Variants in CDH13 observed in about 807,000 individuals in gnomAD.
CDH13 encodes the protein cadherin 13, also known as cadherin-13.
Under a neutral mutation model 63.8 loss-of-function variants are expected in CDH13, and 24 were observed. That is an observed-to-expected ratio of 0.38 (90% CI 0.27 to 0.53). The LOEUF is 0.53. Among genes scored for constraint, CDH13 ranks in the 20% least tolerant of loss-of-function variants. The pLI is 0.85. For missense variants in CDH13, 1,049 were observed against 903.1 expected, an observed-to-expected ratio of 1.16 and a Z score of -2.07; for synonymous variants, 503 against 355.3, an observed-to-expected ratio of 1.42 and a Z score of -4.67.
At chr16:83,321,652 C>T (rs1403648771) in intron 5 of CDH13, among the ~76,000 whole-genome samples, 1 of 151,648 alleles carries the variant, frequency 6.6e-6, no homozygotes, top group Admixed American at 6.6e-5. Context: ...CCTCAGCCTC[C>T]TGAGTAGCTG....
At chr16:82,777,726 T>C (rs1438443799) in intron 1 of CDH13, among the ~76,000 whole-genome samples, 1 of 152,200 alleles carries the variant, frequency 6.6e-6, no homozygotes, top group African/African-American at 2.4e-5. Flanking sequence ...GAGGCAGCAG[T>C]CATCCTAAGA....
At chr16:82,775,022 C>T (rs377467016) in intron 1 of CDH13, among the ~76,000 whole-genome samples, 4 of 152,156 alleles carry the variant, frequency 2.6e-5, no homozygotes, top group Non-Finnish European at 2.9e-5. Context: ...CCTAATGGCC[C>T]TAGAGACTGT....
At chr16:83,460,745 G>A (rs951881078) in intron 6 of CDH13, among the ~76,000 whole-genome samples, 1 of 151,806 alleles carries the variant, frequency 6.6e-6, no homozygotes, top group Non-Finnish European at 1.5e-5. Context: ...TGTAAACCCA[G>A]CATTTTGGGA....
At position 83,673,904 on chromosome 16, in the gene CDH13, C is replaced by G. The variant is rs367587609; in HGVS notation, c.1284+2932C>G. Among the ~76,000 whole-genome samples, 7 of 152,238 alleles carry G rather than the reference C, an allele frequency of 4.6e-5. No individual in the cohort carries two copies. The South Asian group carries it at 1.4e-3, about 31-fold the overall frequency. On this transcript the variant is annotated intron_variant, in intron 9 of 13. Coordinates refer to ENST00000567109, the MANE Select transcript of CDH13 (RefSeq NM_001257.5). ...GAAGAGGTGCCCACAGAGGCTGATG[C>G]TCTTGCTGACTTCAGCTTTGCTAGT...
In CDH13 at chr16:82,972,031, G is replaced by A. The variant is rs112271085; in HGVS notation, c.158-59979G>A. Reference sequence around the variant, plus strand: ...CATAAGCTTATTTGTATTTCACAGCGACTTGCACAGATGTGCCAGATATGT... The same window carrying A: ...CATAAGCTTATTTGTATTTCACAGCAACTTGCACAGATGTGCCAGATATGT... On this transcript the variant is annotated intron_variant, in intron 2 of 13. Coordinates refer to ENST00000567109, the MANE Select transcript of CDH13 (RefSeq NM_001257.5). Among the ~76,000 whole-genome samples the A allele has an allele frequency of 3.9e-3, 598 of 152,276 alleles. 8 individuals are homozygous for A. The highest frequency in any genetic ancestry group is 0.014 in the African/African-American group (571 of 41,544).
At chr16:83,415,008 A>G (rs536985935) in intron 6 of CDH13, among the ~76,000 whole-genome samples, 1 of 152,262 alleles carries the variant, frequency 6.6e-6, no homozygotes, top group African/African-American at 2.4e-5. Context: ...AGCAAAATTG[A>G]CAAACCCTTA....
intron 10 of CDH13, among the ~76,000 whole-genome samples, chr16:83,720,279 C>A (rs1421623736): frequency 6.6e-6 from 1 of 151,940 alleles, no homozygotes; most frequent in Non-Finnish European, 1.5e-5. Flanking sequence ...ACATCTGCAC[C>A]CACATGCAAG....
intron 4 of CDH13, among the ~76,000 whole-genome samples, chr16:83,147,653 A>G (rs1239461643): frequency 2.0e-5 from 3 of 151,908 alleles, no homozygotes; most frequent in African/African-American, 7.3e-5. Flanking sequence ...GCTTTTCTTG[A>G]CATCCTTATG....
At chr16:82,743,436 C>G (rs1313062989) in intron 1 of CDH13, among the ~76,000 whole-genome samples, 1 of 152,056 alleles carries the variant, frequency 6.6e-6, no homozygotes, top group African/African-American at 2.4e-5. Flanking sequence ...ACCGTATTGC[C>G]CAGGATAGTC....
chr16:83,094,012 G>A (rs546096684), intron 3 of CDH13, among the ~76,000 whole-genome samples: 3 of 152,308 alleles, frequency 2.0e-5, no homozygotes, highest in South Asian at 4.1e-4. Context: ...GAGCTTTTAT[G>A]AATAGGCAAA....
intron 4 of CDH13, among the ~76,000 whole-genome samples, chr16:83,180,325 G>A (rs944802543): frequency 6.6e-6 from 1 of 151,424 alleles, no homozygotes; most frequent in Non-Finnish European, 1.5e-5. Flanking sequence ...AAGATCAGAC[G>A]ATGGATGTAT....
chr16:82,970,565 A>G lies in CDH13; in HGVS notation c.158-61445A>G, dbSNP rs1050357677. On this transcript the variant is annotated intron_variant, in intron 2 of 13. Coordinates refer to ENST00000567109, the MANE Select transcript of CDH13 (RefSeq NM_001257.5). ...CAGGCGCCCGCCACCGCGCCCGGCT[A>G]ATTTTTTGTATTTTTAGTAGAGACG... Among the ~76,000 whole-genome samples, 2 of 145,006 alleles carry G rather than the reference A, an allele frequency of 1.4e-5. 1 individual carries two copies. The highest frequency in any genetic ancestry group is 5.0e-5 in the African/African-American group (2 of 40,382).
chr16:82,657,571 C>T (rs1452741448), intron 1 of CDH13, among the ~76,000 whole-genome samples: 3 of 152,072 alleles, frequency 2.0e-5, no homozygotes, highest in Non-Finnish European at 4.4e-5. Context: ...TGTGATTGAC[C>T]ACAGTTGAGT....
At chr16:83,506,786 G>A (rs1176442424) in intron 7 of CDH13, among the ~76,000 whole-genome samples, 2 of 152,194 alleles carry the variant, frequency 1.3e-5, no homozygotes, top group South Asian at 4.1e-4. Context: ...TAGCTTCATG[G>A]AGAAATCCAC....
intron 4 of CDH13, among the ~76,000 whole-genome samples, chr16:83,157,414 C>T (rs1033134162): frequency 1.3e-5 from 2 of 152,098 alleles, no homozygotes; most frequent in Non-Finnish European, 2.9e-5. Flanking sequence ...TTGGATGAGT[C>T]AGAGAGATTT....
chr16:83,326,036 A>T (rs1049851766), intron 5 of CDH13, among the ~76,000 whole-genome samples: 5 of 152,174 alleles, frequency 3.3e-5, no homozygotes, highest in Non-Finnish European at 5.9e-5. Flanking sequence ...CAAGCAGATG[A>T]TAGAATCAAG....
intron 1 of CDH13, among the ~76,000 whole-genome samples, chr16:82,822,928 C>T (rs948023423): frequency 2.0e-5 from 3 of 152,078 alleles, no homozygotes; most frequent in Non-Finnish European, 2.9e-5. Flanking sequence ...AGTCAGTGGC[C>T]GAGGCTGGAG....
chr16:83,430,961 T>TC (rs1389034014), intron 6 of CDH13, among the ~76,000 whole-genome samples: 13 of 76,592 alleles, frequency 1.7e-4, no homozygotes, highest in Non-Finnish European at 3.2e-4. Context: ...ATGCCATCCC[T>TC]CCCCCCTCCC....
At chr16:82,792,149 C>T (rs1466640588) in intron 1 of CDH13, among the ~76,000 whole-genome samples, 1 of 152,048 alleles carries the variant, frequency 6.6e-6, no homozygotes, top group Non-Finnish European at 1.5e-5. Flanking sequence ...TGAGCCATCC[C>T]CGGTTCCTTG....
Sources: gnomAD v4.1 joint callset for allele counts (sites outside exome capture counted in the v4.1 genomes callset) on GRCh38, gnomAD v4.1.1 for gene constraint, MANE v1.5 for transcripts, NCBI Gene and HGNC (gene_info 2026-07-23, HGNC 2026-07-21) for gene names.